Variants in DMXL2 observed in about 807,000 individuals in gnomAD.
The protein encoded by DMXL2 is dmX-like protein 2.
A neutral mutation model predicts 331.1 loss-of-function variants in DMXL2; 103 were observed. The ratio of observed to expected loss-of-function variants is 0.31; its 90% CI spans 0.27 to 0.37. The LOEUF (loss-of-function observed/expected upper bound fraction) is 0.37, where lower values mean the gene tolerates loss of function less well. Ranked by LOEUF, DMXL2 falls within the 10% of genes least tolerant of loss-of-function variation. DMXL2 has a pLI of 1.00. For missense variants in DMXL2, 3,171 were observed against 3,642.9 expected (o/e 0.87, Z 3.33); for synonymous variants, 1,281 against 1,252.1 (o/e 1.02, Z -0.49).
At chr15:51,456,216 G>C in intron 38 of DMXL2, 23 bp from the exon 39 acceptor site, 5 of 1,601,618 alleles carry the variant, frequency 3.1e-6, no homozygotes, top group Non-Finnish European at 4.3e-6. Context: ...AGAAAAAGCA[G>C]GAAATAAGAA....
chr15:51,588,907 C>A (rs1437433380), intron 1 of DMXL2, among the ~76,000 whole-genome samples: 1 of 152,180 alleles, frequency 6.6e-6, no homozygotes, highest in East Asian at 1.9e-4. Context: ...CACTGTATTT[C>A]TGTGGCTGTA....
At chr15:51,451,740 G>A in intron 41 of DMXL2, 43 bp from the exon 42 acceptor site, 2 of 1,529,124 alleles carry the variant, frequency 1.3e-6, no homozygotes, top group Non-Finnish European at 1.8e-6. Flanking sequence ...ATAAATGATT[G>A]TTATAAGTCG....
At chr15:51,489,661 A>G (rs1480761533) in intron 20 of DMXL2, among the ~76,000 whole-genome samples, 3 of 152,088 alleles carry the variant, frequency 2.0e-5, no homozygotes, top group Admixed American at 1.3e-4. Context: ...TCTCAAAGAA[A>G]AAAAAAAGAA....
At chr15:51,498,481 G>T in intron 18 of DMXL2, 71 bp downstream of exon 18, 1 of 1,441,592 alleles carries the variant, frequency 6.9e-7, no homozygotes, top group Non-Finnish European at 9.4e-7. Flanking sequence ...TTCAGTAAAT[G>T]AGTCAGTATA....
chr15:51,455,240 GTATAACTAC>G lies in DMXL2; in HGVS notation c.8527-21_8527-13del. On this transcript the variant is annotated splice_polypyrimidine_tract_variant and intron_variant, in intron 39 of 43. Transcript: ENST00000560891. ...TCCGCAACACCACACTGTAAGAACA[GTATAACTAC>G]TAAACACATGTTCTTAGCATCCACA... The G allele has an allele frequency of 6.2e-7, 1 of 1,608,776 alleles. No homozygotes were observed. Among genetic ancestry groups the G allele is most frequent in the Non-Finnish European group, 8.5e-7 (1 of 1,175,136 alleles).
intron 13 of DMXL2, among the ~76,000 whole-genome samples, chr15:51,525,052 C>A (rs1195474336): frequency 6.6e-6 from 1 of 151,826 alleles, no homozygotes; most frequent in Non-Finnish European, 1.5e-5. Flanking sequence ...TCTTGGATAC[C>A]AGCTCAGCTA....
chr15:51,506,572 G>C (rs1416548492), intron 16 of DMXL2, among the ~76,000 whole-genome samples: 1 of 150,410 alleles, frequency 6.6e-6, no homozygotes, highest in African/African-American at 2.5e-5. Flanking sequence ...TCCTGCCTCA[G>C]CCTCCTGAGT....
At chr15:51,588,337 T>C (rs1484838041) in intron 1 of DMXL2, among the ~76,000 whole-genome samples, 2 of 152,064 alleles carry the variant, frequency 1.3e-5, no homozygotes, top group Non-Finnish European at 2.9e-5. Context: ...TTTGTATTTT[T>C]TGGTAGAGAT....
At chr15:51,596,560 C>A (rs1041664176) in intron 1 of DMXL2, among the ~76,000 whole-genome samples, 2 of 152,174 alleles carry the variant, frequency 1.3e-5, no homozygotes, top group Admixed American at 1.3e-4. Flanking sequence ...ACCCAGCAAT[C>A]CCATTACTGG....
At chr15:51,566,134 A>G (rs2050254215) in intron 3 of DMXL2, among the ~76,000 whole-genome samples, 1 of 151,950 alleles carries the variant, frequency 6.6e-6, no homozygotes, top group Non-Finnish European at 1.5e-5. Context: ...ACTTTAGCCC[A>G]TGAGTTTGAG....
intron 43 of DMXL2, among the ~76,000 whole-genome samples, chr15:51,449,876 T>C (rs1298738211): frequency 6.6e-6 from 1 of 152,012 alleles, no homozygotes; most frequent in East Asian, 1.9e-4. Context: ...ACTCATACAC[T>C]TTACTCAAAA....
At chr15:51,509,076 C>A (rs566172099) in intron 15 of DMXL2, among the ~76,000 whole-genome samples, 1 of 151,964 alleles carries the variant, frequency 6.6e-6, no homozygotes. Context: ...TGGCATCACC[C>A]AGAATGTTGA....
Position 51,498,989 on chromosome 15 carries a change from A to G in DMXL2, c.4235T>C (p.Val1412Ala). The change falls in exon 18 of 44, where the codon GTA becomes GCA. Residue 1412 changes from valine to alanine, a missense_variant. By Grantham distance (64) the Val-to-Ala change is moderately conservative (BLOSUM62 0). This residue lies in a region of DMXL2 where 1,674 missense variants were observed against 1,780.2 expected (regional missense o/e 0.94). Coordinates refer to ENST00000560891, the MANE Select transcript of DMXL2 (RefSeq NM_001378457.1). ...ATAATCTCGAGTACCATCTTTTCCT[A>G]CGGTGACTGTTTCCTTTGCTGTACT... ...SGSTAKETVT[V>A]GKDGTRDYTE... 2 of 1,614,078 alleles carry G rather than the reference A, an allele frequency of 1.2e-6. No individual in the cohort carries two copies. Among genetic ancestry groups the G allele is most frequent in the East Asian group, 2.2e-5 (1 of 44,866 alleles).
intron 28 of DMXL2, among the ~76,000 whole-genome samples, chr15:51,471,938 TG>T (rs554435345): frequency 2.2e-3 from 329 of 152,312 alleles, no homozygotes; most frequent in Non-Finnish European, 2.5e-3. Flanking sequence ...TCTGTGGCTA[TG>T]AACCTGGGAA....
At chr15:51,517,252 C>T in intron 13 of DMXL2, 85 bp from the exon 14 acceptor site, 2 of 961,736 alleles carry the variant, frequency 2.1e-6, no homozygotes, top group Admixed American at 1.9e-5. Context: ...CATTTAAGGC[C>T]CCCTCTAAAT....
At chr15:51,505,374 G>A (rs1022583227) in intron 16 of DMXL2, among the ~76,000 whole-genome samples, 3 of 152,292 alleles carry the variant, frequency 2.0e-5, no homozygotes, top group South Asian at 2.1e-4. Flanking sequence ...TGAGACACAC[G>A]CTTCATAAGC....
intron 7 of DMXL2, 90 bp from the exon 8 acceptor site, chr15:51,545,856 AT>A: frequency 9.5e-7 from 1 of 1,057,006 alleles, no homozygotes; most frequent in Non-Finnish European, 1.4e-6. Context: ...TAAAGATAAC[AT>A]TAGTGCAAAA....
intron 42 of DMXL2, among the ~76,000 whole-genome samples, chr15:51,450,920 A>C (rs150672120): frequency 6.7e-6 from 1 of 148,220 alleles, no homozygotes; most frequent in Non-Finnish European, 1.5e-5. Flanking sequence ...TTCAAAATGC[A>C]TATCAGTGTA....
At chr15:51,500,739 A>G (rs528713128) in intron 17 of DMXL2, among the ~76,000 whole-genome samples, 2 of 152,328 alleles carry the variant, frequency 1.3e-5, no homozygotes, top group East Asian at 3.9e-4. Flanking sequence ...AAAACAGACC[A>G]ATAGATCTTA....
Sources: allele counts gnomAD v4.1 joint callset (sites outside exome capture counted in the v4.1 genomes callset), GRCh38; gene constraint gnomAD v4.1.1; regional missense constraint gnomAD v4.1.1; transcripts MANE v1.5; gene names NCBI Gene and HGNC (gene_info 2026-07-23, HGNC 2026-07-21).